Variants in GABBR2 observed in about 807,000 individuals in gnomAD.
The protein encoded by GABBR2 is gamma-aminobutyric acid type B receptor subunit 2, also known as G-protein coupled receptor 51.
In GABBR2, 23 loss-of-function variants were observed where a neutral mutation model predicts 105.6. The observed-to-expected ratio is 0.22, with a 90% confidence interval of 0.16 to 0.31. The LOEUF (loss-of-function observed/expected upper bound fraction) is 0.31, where lower values mean the gene tolerates loss of function less well. Among genes scored for constraint, GABBR2 ranks in the 10% least tolerant of loss-of-function variants. The probability of loss-of-function intolerance (pLI) is 1.00; values close to 1 mark genes in which losing one functional copy is unlikely to be tolerated. For missense variants in GABBR2, 734 were observed against 1,245.5 expected (o/e 0.59, Z 6.18); for synonymous variants, 478 against 499.7 (o/e 0.96, Z 0.58).
At chr9:98,563,068 CAAAAAAAAAAAAAAA>C (rs56185925) in intron 2 of GABBR2, among the ~76,000 whole-genome samples, 9 of 63,024 alleles carry the variant, frequency 1.4e-4, no homozygotes, top group Admixed American at 2.6e-4. Flanking sequence ...AGACCCTGTC[CAAAAAAAAAAAAAAA>C]AAAAAAAAAA....
intron 1 of GABBR2, among the ~76,000 whole-genome samples, chr9:98,613,016 G>A (rs1444973979): frequency 1.3e-5 from 2 of 152,232 alleles, no homozygotes; most frequent in African/African-American, 4.8e-5. Flanking sequence ...TCAGCCCACA[G>A]GAAGCTGCAC....
chr9:98,569,799 T>C (rs1454230306), intron 2 of GABBR2, among the ~76,000 whole-genome samples: 1 of 152,214 alleles, frequency 6.6e-6, no homozygotes, highest in African/African-American at 2.4e-5. Context: ...TCCATGAATC[T>C]ACCTCAAATT....
chr9:98,302,037 A>G (rs1830477819), intron 16 of GABBR2, among the ~76,000 whole-genome samples: 1 of 152,366 alleles, frequency 6.6e-6, no homozygotes, highest in East Asian at 1.9e-4. Context: ...AGTATATTCA[A>G]GTATTACTTG....
At chr9:98,706,100 CAAAAAAAACA>C (rs1463478724) in intron 1 of GABBR2, among the ~76,000 whole-genome samples, 1,672 of 31,226 alleles carry the variant, frequency 0.054, 31 homozygotes, top group African/African-American at 0.15. Context: ...CAAAACAAAA[CAAAAAAAACA>C]AAAAAAAAAA....
Position 98,321,023 on chromosome 9 carries a change from T to C in GABBR2, c.1894-9818A>G, listed in dbSNP as rs547263192. ...AATAAAATAAAATTCAGGAACTGCTTGAGGGGTAAGGGGACCACTGGTGCA... is the reference window on the plus strand; with the variant it reads ...AATAAAATAAAATTCAGGAACTGCTCGAGGGGTAAGGGGACCACTGGTGCA... On this transcript the variant is annotated intron_variant, in intron 13 of 18. Transcript: ENST00000259455. 2.0e-5 allele frequency among the ~76,000 whole-genome samples: 3 copies of C among 152,140 alleles called. No homozygotes were observed. In the South Asian group the frequency reaches 6.2e-4, roughly 32 times the overall value.
At chr9:98,492,802 T>A (rs1156809911) in intron 4 of GABBR2, among the ~76,000 whole-genome samples, 2 of 152,182 alleles carry the variant, frequency 1.3e-5, no homozygotes, top group African/African-American at 4.8e-5. Flanking sequence ...GTAAAGTTAT[T>A]CCCATCATAT....
intron 3 of GABBR2, among the ~76,000 whole-genome samples, chr9:98,536,087 C>A (rs1024734367): frequency 2.0e-5 from 3 of 152,024 alleles, no homozygotes; most frequent in South Asian, 2.1e-4. Flanking sequence ...GGGCAGGGAG[C>A]GTATGGGAAA....
At chr9:98,302,502 T>G (rs1453911362) in intron 16 of GABBR2, among the ~76,000 whole-genome samples, 1 of 152,212 alleles carries the variant, frequency 6.6e-6, no homozygotes, top group African/African-American at 2.4e-5. Flanking sequence ...ATATTTTCTC[T>G]GGGCCACTTT....
chr9:98,708,741 G>T lies in GABBR2; in HGVS notation c.-4C>A. 1.0e-6 allele frequency: 1 copy of T among 982,580 alleles called. No homozygotes were observed. Among genetic ancestry groups the T allele is most frequent in the Non-Finnish European group, 1.2e-6 (1 of 829,362 alleles). The allele number at this position is 982,580 out of a possible 1,614,324, so 60.9% of individuals were successfully genotyped here. A position where few individuals can be genotyped will look rare whatever the true frequency, so the allele number is the denominator to read the frequency against. ...CGGAGCTCCGCGGGGAAGCCATGCCGCGCCGCGGGCTGCGGGCGCCGGCTC... is the reference window on the plus strand; with the variant it reads ...CGGAGCTCCGCGGGGAAGCCATGCCTCGCCGCGGGCTGCGGGCGCCGGCTC... On this transcript the variant is annotated 5_prime_UTR_variant, in exon 1 of 19. Transcript: ENST00000259455.
At chr9:98,471,193 G>A (rs1826666867) in intron 6 of GABBR2, among the ~76,000 whole-genome samples, 1 of 152,182 alleles carries the variant, frequency 6.6e-6, no homozygotes, top group Admixed American at 6.5e-5. Flanking sequence ...TAACTGTGGG[G>A]TAATGTAAGA....
At chr9:98,385,548 T>G in intron 11 of GABBR2, 92 bp downstream of exon 11, 2 of 990,788 alleles carry the variant, frequency 2.0e-6, no homozygotes, top group Admixed American at 1.9e-5. Context: ...TGTATTTTCA[T>G]GTATTTCTGG....
chr9:98,605,767 C>T (rs888586961), intron 1 of GABBR2, among the ~76,000 whole-genome samples: 3 of 152,142 alleles, frequency 2.0e-5, no homozygotes, highest in South Asian at 2.1e-4. Flanking sequence ...CTGTTCTCCT[C>T]GAGTTCATGT....
intron 1 of GABBR2, among the ~76,000 whole-genome samples, chr9:98,593,908 C>G (rs1829186602): frequency 6.6e-6 from 1 of 152,198 alleles, no homozygotes; most frequent in African/African-American, 2.4e-5. Context: ...GTCACTCCCC[C>G]ACCTGACAGA....
chr9:98,522,756 A>G (rs1564103049), intron 3 of GABBR2, among the ~76,000 whole-genome samples: 1 of 152,244 alleles, frequency 6.6e-6, no homozygotes, highest in Non-Finnish European at 1.5e-5. Context: ...GTCAGAAGAA[A>G]TTAGTCATGT....
chr9:98,507,957 T>TC (rs1473493373), intron 3 of GABBR2, among the ~76,000 whole-genome samples: 8 of 152,178 alleles, frequency 5.3e-5, no homozygotes, highest in Non-Finnish European at 1.0e-4. Context: ...TTCAAGGACC[T>TC]CACCCACTCT....
intron 1 of GABBR2, among the ~76,000 whole-genome samples, chr9:98,687,350 G>A (rs1830632363): frequency 6.6e-6 from 1 of 152,066 alleles, no homozygotes; most frequent in South Asian, 2.1e-4. Flanking sequence ...AGGGAGATCA[G>A]ACATCACCTG....
chr9:98,321,118 C>T (rs925937609), intron 13 of GABBR2, among the ~76,000 whole-genome samples: 2 of 152,132 alleles, frequency 1.3e-5, no homozygotes, highest in African/African-American at 4.8e-5. Flanking sequence ...CTCCAGCAGG[C>T]TCAGGACCTT....
chr9:98,434,944 C>T (rs949426650), intron 7 of GABBR2, among the ~76,000 whole-genome samples: 1 of 152,138 alleles, frequency 6.6e-6, no homozygotes, highest in Non-Finnish European at 1.5e-5. Context: ...GGGCAGCACA[C>T]AAGGAGGTTT....
intron 5 of GABBR2, among the ~76,000 whole-genome samples, chr9:98,478,708 C>T (rs1826847388): frequency 6.6e-6 from 1 of 152,200 alleles, no homozygotes; most frequent in African/African-American, 2.4e-5. Context: ...TGGAAACTCA[C>T]CCCAGTGCGT....
Sources: gnomAD v4.1 joint callset for allele counts (sites outside exome capture counted in the v4.1 genomes callset) on GRCh38, gnomAD v4.1.1 for gene constraint, MANE v1.5 for transcripts, NCBI Gene and HGNC (gene_info 2026-07-23, HGNC 2026-07-21) for gene names.